Variants in CD200R1 observed in about 807,000 individuals in gnomAD.
CD200R1 encodes cell surface glycoprotein CD200 receptor 1.
CD200R1 carries 30 observed loss-of-function variants against 38.1 expected under a neutral mutation model. That is an observed-to-expected ratio of 0.79 (90% CI 0.59 to 1.07). The LOEUF is 1.07. CD200R1 is among the 50% of genes least tolerant of loss of function. The probability of loss-of-function intolerance (pLI) is 0.00; values close to 1 mark genes in which losing one functional copy is unlikely to be tolerated. For missense variants in CD200R1, 372 were observed against 415.4 expected, an observed-to-expected ratio of 0.90 and a Z score of 0.91; for synonymous variants, 128 against 152.1, an observed-to-expected ratio of 0.84 and a Z score of 1.16.
chr3:112,927,400 T>C (rs1940304685), intron 5 of CD200R1, among the ~76,000 whole-genome samples: 1 of 151,410 alleles, frequency 6.6e-6, no homozygotes, highest in African/African-American at 2.4e-5. Flanking sequence ...TCTCTAGTTA[T>C]TAAAAAATCA....
At chr3:112,958,788 TTCTA>T (rs1220132133) in intron 1 of CD200R1, among the ~76,000 whole-genome samples, 7 of 152,148 alleles carry the variant, frequency 4.6e-5, no homozygotes, top group Admixed American at 1.3e-4. Context: ...TAAAAAATAC[TTCTA>T]TCTAAGTCAA....
intron 2 of CD200R1, among the ~76,000 whole-genome samples, chr3:112,931,543 A>G (rs1218248330): frequency 6.6e-6 from 1 of 152,124 alleles, no homozygotes; most frequent in Non-Finnish European, 1.5e-5. Context: ...CCACTTCCCA[A>G]TCAAAGTTAT....
chr3:112,947,924 T>C lies in CD200R1; in HGVS notation c.68A>G (p.Glu23Gly), dbSNP rs762229975. ...LLILTIFLVA[E>G]AEGAAQPNNS... ...GTTTGGTTGAGCAGCACCCTCCGCT[T>C]CTGAATTTTGAAAAAGACATAGGGG... Residue 23 changes from glutamate to glycine, a missense_variant and splice_region_variant, in exon 2 of 8, where the codon GAA (glutamate) becomes GGA (glycine). By Grantham distance (98) the Glu-to-Gly change is moderately conservative. Transcript: ENST00000308611. The C allele has an allele frequency of 3.1e-6, 5 of 1,608,852 alleles. No homozygotes were observed. In the South Asian group the frequency reaches 5.5e-5, roughly 18 times the overall value.
At chr3:112,946,985 G>A (rs1940879039) in intron 2 of CD200R1, among the ~76,000 whole-genome samples, 1 of 152,008 alleles carries the variant, frequency 6.6e-6, no homozygotes, top group African/African-American at 2.4e-5. Flanking sequence ...GGAAAGTCAT[G>A]GGGGAACACT....
chr3:112,925,662 T>C (rs1332105747), intron 5 of CD200R1, among the ~76,000 whole-genome samples: 1 of 152,028 alleles, frequency 6.6e-6, no homozygotes, highest in African/African-American at 2.4e-5. Flanking sequence ...GGTGCAGGTG[T>C]AGGTGGGAGA....
intron 2 of CD200R1, among the ~76,000 whole-genome samples, chr3:112,937,786 T>G (rs1327082560): frequency 6.6e-6 from 1 of 152,206 alleles, no homozygotes; most frequent in Non-Finnish European, 1.5e-5. Context: ...TTGGGCAGTA[T>G]GGTCATTTTC....
Position 112,929,359 on chromosome 3 carries a change from C to G in CD200R1, c.351G>C (p.Glu117Asp), listed in dbSNP as rs778113461. 1 of 1,614,024 alleles carries G rather than the reference C, an allele frequency of 6.2e-7. No homozygotes were observed. The highest frequency in any genetic ancestry group is 8.5e-7 in the Non-Finnish European group (1 of 1,179,990). The change falls in exon 4 of 8, where the codon GAG becomes GAC. Residue 117 changes from glutamate (E) to aspartate (D), a missense_variant. Transcript: ENST00000308611. ...CATCAGTACAGTTGGTTTCCTTGGT[C>G]TCATTTGTTTCTTTCTTGTAGGCTT... ...CTKAYKKETN[E>D]TKETNCTDER...
chr3:112,948,031 T>C (rs1351499559), intron 1 of CD200R1, 107 bp from the exon 2 acceptor site: 1 of 748,558 alleles, frequency 1.3e-6, no homozygotes, highest in Non-Finnish European at 2.4e-6. Context: ...ATTTTTGTAT[T>C]GCAGTTGCCA....
At chr3:112,963,774 G>A (rs920803494) in intron 1 of CD200R1, among the ~76,000 whole-genome samples, 4 of 152,192 alleles carry the variant, frequency 2.6e-5, no homozygotes, top group Non-Finnish European at 5.9e-5. Flanking sequence ...TAGGTAACAA[G>A]GAGCTGAATG....
intron 2 of CD200R1, among the ~76,000 whole-genome samples, chr3:112,935,356 A>G (rs1576131709): frequency 6.6e-6 from 1 of 152,360 alleles, no homozygotes; most frequent in South Asian, 2.1e-4. Flanking sequence ...ACAAGTCTCA[A>G]ATAATTTTTA....
intron 6 of CD200R1, among the ~76,000 whole-genome samples, chr3:112,924,862 C>T (rs1009292226): frequency 1.3e-5 from 2 of 152,062 alleles, no homozygotes; most frequent in Non-Finnish European, 2.9e-5. Flanking sequence ...CTCCCAAGAT[C>T]CTACCCTAAA....
chr3:112,963,458 G>A (rs1292687562), intron 1 of CD200R1, among the ~76,000 whole-genome samples: 1 of 152,168 alleles, frequency 6.6e-6, no homozygotes, highest in Non-Finnish European at 1.5e-5. Flanking sequence ...ATGGGGATGA[G>A]GATCTTGTTG....
intron 2 of CD200R1, among the ~76,000 whole-genome samples, chr3:112,935,600 C>A (rs61629858): frequency 0.24 from 36,412 of 151,928 alleles, 5,047 homozygotes; most frequent in Non-Finnish European, 0.32. Flanking sequence ...AGAGGCAAAT[C>A]CATAGCAATA....
intron 2 of CD200R1, among the ~76,000 whole-genome samples, chr3:112,932,331 C>T (rs1380732263): frequency 1.3e-5 from 2 of 152,128 alleles, no homozygotes; most frequent in Non-Finnish European, 2.9e-5. Flanking sequence ...AATCCCCTCT[C>T]CCCACACTTC....
chr3:112,974,501 T>C (rs1007048317), intron 1 of CD200R1, among the ~76,000 whole-genome samples: 1 of 152,068 alleles, frequency 6.6e-6, no homozygotes, highest in Non-Finnish European at 1.5e-5. Flanking sequence ...GCTGCTAGTA[T>C]GTATTTGATT....
chr3:112,934,188 A>G (rs4498006), intron 2 of CD200R1, among the ~76,000 whole-genome samples: 1 of 152,150 alleles, frequency 6.6e-6, no homozygotes, highest in Non-Finnish European at 1.5e-5. Context: ...TGTTATAGTC[A>G]AATTATCAAA....
At chr3:112,930,615 CTCTAACAAAGGTAAGTGTCAGTGATT>C (rs1238706021) in intron 3 of CD200R1, among the ~76,000 whole-genome samples, 17 of 152,328 alleles carry the variant, frequency 1.1e-4, no homozygotes, top group Admixed American at 6.5e-4. Context: ...CACTACTCAC[CTCTAACAAAGGTAAGTGTCAGTGATT>C]TCATCACTAT....
rs543937157 is a variant in CD200R1, at chr3:112,970,157, G to A, written c.67+4634C>T. On this transcript the variant is annotated intron_variant, in intron 1 of 7. Transcript: ENST00000308611. ...TGCACCACTGCACTCCAGCCTGAGT[G>A]ATAGATAGAGTAAGACCCTGTCTCA... Among the ~76,000 whole-genome samples the A allele has an allele frequency of 2.6e-5, 4 of 152,228 alleles. No homozygotes were observed. The South Asian group carries it at 8.3e-4, about 32-fold the overall frequency.
At chr3:112,967,968 T>C (rs1933209448) in intron 1 of CD200R1, among the ~76,000 whole-genome samples, 1 of 152,226 alleles carries the variant, frequency 6.6e-6, no homozygotes, top group African/African-American at 2.4e-5. Flanking sequence ...AAGTACTTCC[T>C]TTGTGAAGGC....
Sources: gnomAD v4.1 joint callset for allele counts (sites outside exome capture counted in the v4.1 genomes callset) on GRCh38, gnomAD v4.1.1 for gene constraint, MANE v1.5 for transcripts, NCBI Gene and HGNC (gene_info 2026-07-23, HGNC 2026-07-21) for gene names.